GLIS3: variants seen among roughly 807,000 people sequenced by gnomAD.
The protein encoded by GLIS3 is zinc finger protein GLIS3.
Under a neutral mutation model 78.6 loss-of-function variants are expected in GLIS3, and 53 were observed. The ratio of observed to expected loss-of-function variants is 0.67; its 90% CI spans 0.54 to 0.85. The LOEUF is 0.85. Ranked by LOEUF, GLIS3 falls within the 40% of genes least tolerant of loss-of-function variation. The pLI, the probability that GLIS3 is intolerant of heterozygous loss-of-function variation, is 0.00. For missense variants in GLIS3, 1,703 were observed against 1,231.1 expected, an observed-to-expected ratio of 1.38 and a Z score of -5.74; for synonymous variants, 684 against 509.9, an observed-to-expected ratio of 1.34 and a Z score of -4.60.
chr9:3,966,121 A>G (rs1817916847), intron 4 of GLIS3, among the ~76,000 whole-genome samples: 2 of 152,236 alleles, frequency 1.3e-5, no homozygotes, highest in African/African-American at 4.8e-5. Context: ...AAGCTCTAAG[A>G]GGGAAGATAT....
At position 4,004,831 on chromosome 9, in the gene GLIS3, G is replaced by A. The variant is rs73388248; in HGVS notation, c.1711-67642C>T. On this transcript the variant is annotated intron_variant, in intron 4 of 10. Transcript: ENST00000381971. ...GATACTTAATAGTGATCTCAATTTA[G>A]TAAACTTTAGAATATGGACTTTTAA... Among the ~76,000 whole-genome samples the A allele has an allele frequency of 3.0e-3, 462 of 152,244 alleles. 4 individuals are homozygous for A. The highest frequency in any genetic ancestry group is 0.011 in the African/African-American group (442 of 41,546).
At chr9:4,320,383 A>C (rs1039091703) in intron 2 of GLIS3, among the ~76,000 whole-genome samples, 18 of 152,168 alleles carry the variant, frequency 1.2e-4, no homozygotes, top group African/African-American at 4.3e-4. Context: ...AGGCATCTTC[A>C]GTTCACCATG....
intron 2 of GLIS3, among the ~76,000 whole-genome samples, chr9:4,327,048 T>C (rs10122246): frequency 0.18 from 26,828 of 152,170 alleles, 2,359 homozygotes; most frequent in East Asian, 0.23. Flanking sequence ...ATGAAACAAG[T>C]AATCTCATAA....
the GLIS3 span, among the ~76,000 whole-genome samples, chr9:4,413,015 G>C: frequency 6.6e-6 from 1 of 152,162 alleles, no homozygotes; most frequent in African/African-American, 2.4e-5. Flanking sequence ...AGAAACTTCT[G>C]TCTTGTTAGG....
At chr9:4,218,326 C>G (rs1821032599) in intron 2 of GLIS3, among the ~76,000 whole-genome samples, 1 of 152,188 alleles carries the variant, frequency 6.6e-6, no homozygotes, top group Non-Finnish European at 1.5e-5. Context: ...CTCTGTCGCC[C>G]ACAGTGCAGT....
At chr9:4,099,674 G>A (rs140216713) in intron 4 of GLIS3, among the ~76,000 whole-genome samples, 7 of 152,170 alleles carry the variant, frequency 4.6e-5, no homozygotes, top group African/African-American at 9.6e-5. Flanking sequence ...TCCAAAATGC[G>A]GTTTGACTCT....
At chr9:4,162,469 G>C (rs1267710324) in intron 2 of GLIS3, among the ~76,000 whole-genome samples, 1 of 152,086 alleles carries the variant, frequency 6.6e-6, no homozygotes, top group African/African-American at 2.4e-5. Context: ...ACCCAAGCAA[G>C]AACAATGGAA....
chr9:4,386,866 T>C, the GLIS3 span, among the ~76,000 whole-genome samples: 47 of 152,312 alleles, frequency 3.1e-4, no homozygotes, highest in African/African-American at 1.1e-3. Flanking sequence ...GTGATCCCCA[T>C]ACATTTTATG....
Position 4,182,095 on chromosome 9 carries a change from A to G in GLIS3, c.389-56154T>C, listed in dbSNP as rs10974373. Among the ~76,000 whole-genome samples, 703 of 152,380 alleles carry G rather than the reference A, an allele frequency of 4.6e-3. 13 individuals are homozygous for G. The highest frequency in any genetic ancestry group is 0.042 in the Admixed American group (641 of 15,302). ...ACCTATGTTGAGCTATTACATGCCAACGAGAAGACAAGCAAAGAATAAAAT... is the reference window on the plus strand; with the variant it reads ...ACCTATGTTGAGCTATTACATGCCAGCGAGAAGACAAGCAAAGAATAAAAT... On this transcript the variant is annotated intron_variant, in intron 2 of 10. Coordinates refer to ENST00000381971, the MANE Select transcript of GLIS3 (RefSeq NM_001042413.2).
At chr9:4,341,537 T>C (rs1817834523) in intron 2 of GLIS3, among the ~76,000 whole-genome samples, 1 of 152,212 alleles carries the variant, frequency 6.6e-6, no homozygotes, top group Admixed American at 6.5e-5. Context: ...CCATGACTTA[T>C]TTCCCTCATT....
intron 4 of GLIS3, among the ~76,000 whole-genome samples, chr9:4,008,988 T>C (rs763328141): frequency 1.5e-4 from 23 of 152,176 alleles, no homozygotes; most frequent in Non-Finnish European, 2.9e-4. Flanking sequence ...CTTTCTGCAG[T>C]GCATGAGAGA....
At chr9:4,139,990 G>A (rs370053418) in intron 2 of GLIS3, among the ~76,000 whole-genome samples, 1 of 152,074 alleles carries the variant, frequency 6.6e-6, no homozygotes, top group Non-Finnish European at 1.5e-5. Flanking sequence ...TTTTCAGTAT[G>A]TAAGAGCTGG....
chr9:4,134,725 A>C (rs1296092111), intron 2 of GLIS3, among the ~76,000 whole-genome samples: 1 of 152,240 alleles, frequency 6.6e-6, no homozygotes, highest in Non-Finnish European at 1.5e-5. Flanking sequence ...AATGGTAGGA[A>C]CACTTCTTTC....
the GLIS3 span, among the ~76,000 whole-genome samples, chr9:4,394,372 A>T: frequency 1.3e-5 from 2 of 151,254 alleles, no homozygotes; most frequent in African/African-American, 2.4e-5. Flanking sequence ...CCCTAGCTCA[A>T]AGATTACAGG....
At chr9:4,263,046 G>A (rs188228039) in intron 2 of GLIS3, among the ~76,000 whole-genome samples, 1 of 152,058 alleles carries the variant, frequency 6.6e-6, no homozygotes, top group African/African-American at 2.4e-5. Context: ...TGTTTCCAGT[G>A]CAACCAATCA....
At chr9:4,020,056 T>C (rs1385773850) in intron 4 of GLIS3, among the ~76,000 whole-genome samples, 3 of 152,134 alleles carry the variant, frequency 2.0e-5, no homozygotes, top group Admixed American at 6.5e-5. Context: ...TAGCCTACAA[T>C]TTTAAATACA....
intron 3 of GLIS3, among the ~76,000 whole-genome samples, chr9:4,124,207 T>A (rs577308323): frequency 1.4e-4 from 21 of 152,244 alleles, no homozygotes; most frequent in African/African-American, 5.1e-4. Flanking sequence ...AAAAATTCCA[T>A]AGAAGGACTC....
the GLIS3 span, among the ~76,000 whole-genome samples, chr9:4,385,806 A>AG: frequency 1.6e-5 from 1 of 61,796 alleles, no homozygotes; most frequent in African/African-American, 7.5e-5. Flanking sequence ...AGAAAGAAAG[A>AG]AAGAAAAGAA....
At chr9:4,115,226 C>G (rs758590952) in intron 4 of GLIS3, among the ~76,000 whole-genome samples, 1 of 152,190 alleles carries the variant, frequency 6.6e-6, no homozygotes, top group Non-Finnish European at 1.5e-5. Context: ...CTATCATACA[C>G]AGAAAATAGC....
Sources: gnomAD v4.1 joint callset for allele counts (sites outside exome capture counted in the v4.1 genomes callset) on GRCh38, gnomAD v4.1.1 for gene constraint, MANE v1.5 for transcripts, NCBI Gene and HGNC (gene_info 2026-07-23, HGNC 2026-07-21) for gene names.